CACNA1C: variants seen among roughly 807,000 people sequenced by gnomAD.
CACNA1C encodes voltage-dependent L-type calcium channel subunit alpha-1C.
A neutral mutation model predicts 229.0 loss-of-function variants in CACNA1C; 30 were observed. The observed-to-expected ratio is 0.13, with a 90% CI of 0.10 to 0.18. The LOEUF (loss-of-function observed/expected upper bound fraction) is 0.18. Among genes scored for constraint, CACNA1C ranks in the 10% least tolerant of loss-of-function variants. The pLI, the probability that CACNA1C is intolerant of heterozygous loss-of-function variation, is 1.00. For missense variants in CACNA1C, 1,658 were observed against 2,845.0 expected (o/e 0.58, Z 9.49); for synonymous variants, 1,114 against 1,132.5 (o/e 0.98, Z 0.33).
chr12:2,013,691 G>T (rs778004388), intron 1 of CACNA1C, among the ~76,000 whole-genome samples: 1 of 152,166 alleles, frequency 6.6e-6, no homozygotes, highest in Non-Finnish European at 1.5e-5. Flanking sequence ...AGTGGTACCA[G>T]CCTTGTGGGC....
rs371195876 is a variant in CACNA1C, at chr12:2,376,996, G to A, written c.478-71980G>A. 1.3e-4 allele frequency among the ~76,000 whole-genome samples: 20 copies of A among 152,230 alleles called. 1 individual carries two copies. The East Asian group carries it at 2.1e-3, about 16-fold the overall frequency. ...GGCCACCTGCTGCTGCTGTTGTCACGTTCTGTGCTCTGCCGCCATCCTCTG... is the reference window on the plus strand; with the variant it reads ...GGCCACCTGCTGCTGCTGTTGTCACATTCTGTGCTCTGCCGCCATCCTCTG... On this transcript the variant is annotated intron_variant, in intron 3 of 46. Transcript: ENST00000399655.
chr12:2,147,956 G>A (rs1240217206), intron 3 of CACNA1C, among the ~76,000 whole-genome samples: 4 of 151,212 alleles, frequency 2.6e-5, no homozygotes, highest in Non-Finnish European at 5.9e-5. Context: ...AGGATGCTAG[G>A]AATGGGAATA....
At chr12:2,536,334 G>A (rs2099855220) in intron 9 of CACNA1C, among the ~76,000 whole-genome samples, 1 of 152,164 alleles carries the variant, frequency 6.6e-6, no homozygotes, top group Non-Finnish European at 1.5e-5. Flanking sequence ...TACAGGAGAG[G>A]GAGCCTGGGG....
chr12:2,011,675 C>T (rs2044467383), intron 1 of CACNA1C, among the ~76,000 whole-genome samples: 1 of 152,182 alleles, frequency 6.6e-6, no homozygotes, highest in African/African-American at 2.4e-5. Flanking sequence ...TTTAGGGAAA[C>T]ATCTCACATT....
chr12:2,069,406 A>G (rs1203612721), intron 1 of CACNA1C, among the ~76,000 whole-genome samples: 1 of 152,150 alleles, frequency 6.6e-6, no homozygotes, highest in Non-Finnish European at 1.5e-5. Context: ...TTTGACTTGC[A>G]TGTGGGGGGT....
chr12:2,608,435 G>C lies in CACNA1C; in HGVS notation c.3357-76G>C. ...TGCACCCTGATCCCTGGGATCCCTGGAGCAGTGGTGCCGTCCTTCCGCAGA... is the reference window on the plus strand; with the variant it reads ...TGCACCCTGATCCCTGGGATCCCTGCAGCAGTGGTGCCGTCCTTCCGCAGA... On this transcript the variant is annotated intron_variant, in intron 26 of 46. Transcript: ENST00000399655. The surrounding 1 kb of genome is among the most constrained non-coding windows in gnomAD (Gnocchi z 4.2). 2 of 1,112,230 alleles carry C rather than the reference G, an allele frequency of 1.8e-6. No individual in the cohort carries two copies. Among genetic ancestry groups the C allele is most frequent in the South Asian group, 3.1e-5 (2 of 64,694 alleles). 68.9% of individuals were successfully genotyped at this position (1,112,230 alleles called of 1,614,324 possible).
At chr12:2,033,613 C>G (rs1267893551) in intron 1 of CACNA1C, among the ~76,000 whole-genome samples, 3 of 152,130 alleles carry the variant, frequency 2.0e-5, no homozygotes, top group Non-Finnish European at 2.9e-5. Context: ...TTTCTGGCAA[C>G]CTCATGCTAA....
intron 30 of CACNA1C, among the ~76,000 whole-genome samples, chr12:2,643,234 G>A (rs561826021): frequency 6.6e-6 from 1 of 152,232 alleles, no homozygotes; most frequent in Non-Finnish European, 1.5e-5. Flanking sequence ...AAACACAAAA[G>A]CCCGTGGGTT....
intron 1 of CACNA1C, among the ~76,000 whole-genome samples, chr12:2,028,498 T>A (rs370793813): frequency 6.6e-6 from 1 of 152,210 alleles, no homozygotes; most frequent in Non-Finnish European, 1.5e-5. Flanking sequence ...ATCAGTCCAA[T>A]GTTCTTTTAT....
At position 2,457,513 on chromosome 12, in the gene CACNA1C, C is replaced by T. The variant is rs1027596616; in HGVS notation, c.618-54C>T. 11 of 1,571,740 alleles carry T rather than the reference C, an allele frequency of 7.0e-6. No individual in the cohort carries two copies. In the African/African-American group the frequency reaches 1.5e-4, roughly 22 times the overall value. ...CTGTATCCAGAGGTCAGAGCCCCAG[C>T]TGGGCAAAAGAAAACCCAGTCCTGA... On this transcript the variant is annotated intron_variant, in intron 4 of 46. Transcript: ENST00000399655.
At chr12:2,418,975 T>A (rs1003638621) in intron 3 of CACNA1C, among the ~76,000 whole-genome samples, 3 of 152,188 alleles carry the variant, frequency 2.0e-5, no homozygotes, top group Admixed American at 6.5e-5. Flanking sequence ...AATGTGTACA[T>A]GCAGCACTAT....
Position 2,630,155 on chromosome 12 carries a change from A to G in CACNA1C, c.3829-4142A>G, listed in dbSNP as rs2089659499. ...GAGAGCCAGGAAAACCCTTTCTCCA[A>G]CCCCTTACTTCTCAACCATTTGGGA... is the stretch of plus-strand genomic sequence containing the variant. On this transcript the variant is annotated intron_variant, in intron 29 of 46. Transcript: ENST00000399655. The surrounding 1 kb of genome is among the most constrained non-coding windows in gnomAD (Gnocchi z 5.4). 6.6e-6 allele frequency among the ~76,000 whole-genome samples: 1 copy of G among 152,140 alleles called. No individual in the cohort carries two copies. The highest frequency in any genetic ancestry group is 1.5e-5 in the Non-Finnish European group (1 of 68,020).
At chr12:2,004,506 C>G (rs1415141687) in intron 1 of CACNA1C, 2 of 1,519,256 alleles carry the variant, frequency 1.3e-6, no homozygotes, top group Non-Finnish European at 1.8e-6. Context: ...AGCGAGCTGC[C>G]TCGCAACCGA....
intron 3 of CACNA1C, among the ~76,000 whole-genome samples, chr12:2,393,677 C>A (rs1343281927): frequency 6.6e-6 from 1 of 152,214 alleles, no homozygotes; most frequent in African/African-American, 2.4e-5. Flanking sequence ...TCTGTAGATG[C>A]TGCTTCTCTA....
rs1481071130 is a variant in CACNA1C at position 2,254,112 on chromosome 12, C to T, written c.477+133682C>T. Reference sequence around the variant, plus strand: ...TGGATGTGCCTTATTTAAAGTAAAACTTGACACAGTCCAGAAAAACTCGCA... The same window carrying T: ...TGGATGTGCCTTATTTAAAGTAAAATTTGACACAGTCCAGAAAAACTCGCA... On this transcript the variant is annotated intron_variant, in intron 3 of 46. Transcript: ENST00000399655. Among the ~76,000 whole-genome samples, 23 of 152,174 alleles carry T rather than the reference C, an allele frequency of 1.5e-4. 1 individual carries two copies. The highest frequency in any genetic ancestry group is 1.1e-3 in the Admixed American group (17 of 15,280).
intron 3 of CACNA1C, among the ~76,000 whole-genome samples, chr12:2,128,095 A>T (rs929144984): frequency 2.6e-5 from 4 of 152,186 alleles, no homozygotes; most frequent in Non-Finnish European, 5.9e-5. Context: ...TGGGTGAATG[A>T]ATGGATCCTG....
intron 3 of CACNA1C, among the ~76,000 whole-genome samples, chr12:2,294,520 G>T (rs1330454158): frequency 6.6e-6 from 1 of 152,034 alleles, no homozygotes; most frequent in African/African-American, 2.4e-5. Flanking sequence ...GGGGAGGCTG[G>T]CCAGGAACCA....
chr12:2,680,500 G>A lies in CACNA1C; in HGVS notation c.5444+704G>A, dbSNP rs892990378. 5.1e-6 allele frequency: 8 copies of A among 1,570,648 alleles called. No homozygotes were observed. The Admixed American group carries it at 9.3e-5, about 18-fold the overall frequency. ...GAGGACACACCCTGCATCGTGCCTGGCCACGCTTCACTGTGCTGCTCTTCC... is the reference window on the plus strand; with the variant it reads ...GAGGACACACCCTGCATCGTGCCTGACCACGCTTCACTGTGCTGCTCTTCC... On this transcript the variant is annotated intron_variant, in intron 42 of 46. Coordinates refer to ENST00000399655, the MANE Select transcript of CACNA1C (RefSeq NM_000719.7).
intron 1 of CACNA1C, among the ~76,000 whole-genome samples, chr12:2,001,126 A>G (rs546279808): frequency 6.6e-6 from 1 of 152,304 alleles, no homozygotes; most frequent in East Asian, 1.9e-4. Context: ...ACCTGGATAA[A>G]AGAGACTTTG....
Sources: allele counts gnomAD v4.1 joint callset (sites outside exome capture counted in the v4.1 genomes callset), GRCh38; gene constraint gnomAD v4.1.1; non-coding constraint Gnocchi (gnomAD v3.1); transcripts MANE v1.5; gene names NCBI Gene and HGNC (gene_info 2026-07-23, HGNC 2026-07-21).